Variants in SEMA3C observed in about 807,000 individuals in gnomAD.
The protein encoded by SEMA3C is semaphorin 3C, also known as semaphorin-3C.
A neutral mutation model predicts 89.4 loss-of-function variants in SEMA3C; 47 were observed. The observed-to-expected ratio is 0.53, with a 90% CI of 0.42 to 0.67. The LOEUF (loss-of-function observed/expected upper bound fraction) is 0.67. Among genes scored for constraint, SEMA3C ranks in the 30% least tolerant of loss-of-function variants. The pLI, the probability that SEMA3C is intolerant of heterozygous loss-of-function variation, is 0.00. For missense variants in SEMA3C, 839 were observed against 929.1 expected (o/e 0.90, Z 1.26); for synonymous variants, 310 against 320.2 (o/e 0.97, Z 0.34).
intron 12 of SEMA3C, 33 bp downstream of exon 12, chr7:80,789,273 A>G: frequency 6.5e-7 from 1 of 1,542,248 alleles, no homozygotes; most frequent in Non-Finnish European, 8.9e-7. Flanking sequence ...CTTTTACTAC[A>G]CATTAAAGCA....
intron 2 of SEMA3C, among the ~76,000 whole-genome samples, chr7:80,861,557 G>A (rs1045506602): frequency 7.2e-5 from 11 of 152,114 alleles, no homozygotes; most frequent in African/African-American, 2.4e-4. Flanking sequence ...AAACAAAACT[G>A]AGCACTGTTC....
intron 2 of SEMA3C, among the ~76,000 whole-genome samples, chr7:80,911,686 T>C (rs1200494240): frequency 2.0e-5 from 3 of 150,636 alleles, no homozygotes. Context: ...CAGGCTGGAG[T>C]ACAATGGCAC....
At chr7:80,905,500 T>C (rs943772884) in intron 2 of SEMA3C, among the ~76,000 whole-genome samples, 12 of 152,050 alleles carry the variant, frequency 7.9e-5, no homozygotes, top group Non-Finnish European at 1.8e-4. Context: ...CAGGCACTGT[T>C]GGGAATTTGG....
At chr7:80,809,118 G>A (rs982939116) in intron 6 of SEMA3C, among the ~76,000 whole-genome samples, 1 of 152,118 alleles carries the variant, frequency 6.6e-6, no homozygotes, top group African/African-American at 2.4e-5. Context: ...AAAAGAGAAT[G>A]TTGTTTAAGT....
intron 16 of SEMA3C, among the ~76,000 whole-genome samples, 171 bp from the exon 17 acceptor site, chr7:80,749,199 T>C (rs529931053): frequency 1.3e-5 from 2 of 152,280 alleles, no homozygotes; most frequent in East Asian, 3.9e-4. Context: ...TAGGATACGT[T>C]GTTCACCCGT....
chr7:80,889,138 C>A (rs906996064), intron 2 of SEMA3C, among the ~76,000 whole-genome samples: 3 of 152,228 alleles, frequency 2.0e-5, no homozygotes, highest in African/African-American at 7.2e-5. Context: ...GCCAGGACTA[C>A]AGGCGTAAGC....
In SEMA3C at chr7:80,761,594, C is replaced by G. The variant is rs200092266; in HGVS notation, c.1485+22G>C. The G allele has an allele frequency of 3.3e-6, 4 of 1,196,236 alleles. No individual in the cohort carries two copies. The South Asian group carries it at 5.4e-5, about 16-fold the overall frequency. The allele number at this position is 1,196,236 out of a possible 1,614,324, so 74.1% of individuals were successfully genotyped here. On this transcript the variant is annotated intron_variant, in intron 14 of 17. Transcript: ENST00000265361. Reference sequence around the variant, plus strand: ...ACAAAACATTTCAATAAGCAAAGAACATAAAATAGCTTAGTTTTTACCTTT... The same window carrying G: ...ACAAAACATTTCAATAAGCAAAGAAGATAAAATAGCTTAGTTTTTACCTTT...
intron 12 of SEMA3C, among the ~76,000 whole-genome samples, chr7:80,775,945 T>C (rs920591947): frequency 2.0e-5 from 3 of 152,120 alleles, no homozygotes; most frequent in Non-Finnish European, 4.4e-5. Flanking sequence ...GCAATAACAA[T>C]ATAAGAGACA....
chr7:80,910,960 T>C (rs1157287919), intron 2 of SEMA3C, among the ~76,000 whole-genome samples: 2 of 152,160 alleles, frequency 1.3e-5, no homozygotes, highest in Non-Finnish European at 2.9e-5. Flanking sequence ...AATTTTTTTC[T>C]ACTGTTATCC....
chr7:80,743,732 G>A lies in SEMA3C; in HGVS notation c.*1162C>T, dbSNP rs1458428821. On this transcript the variant is annotated 3_prime_UTR_variant, in exon 18 of 18. Transcript: ENST00000265361. ...TTACTACTTTTACACTTAGAGACCA[G>A]TGAACGTATGTACCATTACCTTTTG... 1 of 151,834 alleles carries A rather than the reference G, an allele frequency of 6.6e-6. No homozygotes were observed. The highest frequency in any genetic ancestry group is 1.5e-5 in the Non-Finnish European group (1 of 67,850). 9.4% of individuals were successfully genotyped at this position (151,834 alleles called of 1,614,324 possible). A position where few individuals can be genotyped will look rare whatever the true frequency, so the allele number is the denominator to read the frequency against.
At chr7:80,778,601 T>C (rs1056315665) in intron 12 of SEMA3C, among the ~76,000 whole-genome samples, 6 of 152,344 alleles carry the variant, frequency 3.9e-5, no homozygotes, top group African/African-American at 1.4e-4. Flanking sequence ...GGAAAACATC[T>C]TTCCTCTCAG....
intron 16 of SEMA3C, among the ~76,000 whole-genome samples, chr7:80,750,320 A>G (rs1021419325): frequency 5.9e-5 from 9 of 151,344 alleles, no homozygotes; most frequent in Non-Finnish European, 8.8e-5. Flanking sequence ...CAGGCACTAT[A>G]GTACACCCAT....
intron 2 of SEMA3C, among the ~76,000 whole-genome samples, chr7:80,834,136 C>T (rs557612284): frequency 6.6e-6 from 1 of 152,148 alleles, no homozygotes; most frequent in South Asian, 2.1e-4. Context: ...TTAGAAAATG[C>T]AGTGGCTCCA....
At chr7:80,901,306 A>G (rs1333003797) in intron 2 of SEMA3C, among the ~76,000 whole-genome samples, 2 of 152,206 alleles carry the variant, frequency 1.3e-5, no homozygotes, top group East Asian at 3.8e-4. Context: ...TGATGTGGCT[A>G]TTTTAGTGTT....
intron 2 of SEMA3C, among the ~76,000 whole-genome samples, chr7:80,858,226 T>C (rs568177454): frequency 2.0e-5 from 3 of 152,248 alleles, no homozygotes; most frequent in East Asian, 1.9e-4. Flanking sequence ...TCTAAACTAC[T>C]AGATCACAGT....
At position 80,916,762 on chromosome 7, in the gene SEMA3C, C is replaced by T. The variant is rs1162663079; in HGVS notation, c.20G>A (p.Cys7Tyr). ...ACAAATAAATACTCCAACCAACACG[C>T]AAATTGTCCGGAATGCCATTTCTTC... MAFRTI[C>Y]VLVGVFICSI... Residue 7 changes from cysteine (C) to tyrosine (Y), a missense_variant, in exon 2 of 18, where the codon TGC becomes TAC. Transcript: ENST00000265361. 2 of 1,613,542 alleles carry T rather than the reference C, an allele frequency of 1.2e-6. No homozygotes were observed. Among genetic ancestry groups the T allele is most frequent in the South Asian group, 1.1e-5 (1 of 91,058 alleles).
intron 17 of SEMA3C, 38 bp from the exon 18 acceptor site, chr7:80,745,345 AT>A: frequency 6.4e-7 from 1 of 1,569,774 alleles, no homozygotes; most frequent in Non-Finnish European, 8.7e-7. Flanking sequence ...GAAACTGAAC[AT>A]TATATTTCCT....
intron 13 of SEMA3C, among the ~76,000 whole-genome samples, chr7:80,762,144 T>C (rs1260289019): frequency 7.3e-6 from 1 of 137,604 alleles, no homozygotes; most frequent in Non-Finnish European, 1.6e-5. Context: ...TGTATCAATA[T>C]AGGCATTAGA....
At chr7:80,809,848 G>C (rs1406504708) in intron 6 of SEMA3C, among the ~76,000 whole-genome samples, 1 of 152,034 alleles carries the variant, frequency 6.6e-6, no homozygotes, top group Non-Finnish European at 1.5e-5. Flanking sequence ...AGGGAAATAA[G>C]CCAGGCACAG....
Sources: allele counts gnomAD v4.1 joint callset (sites outside exome capture counted in the v4.1 genomes callset), GRCh38; gene constraint gnomAD v4.1.1; transcripts MANE v1.5; gene names NCBI Gene and HGNC (gene_info 2026-07-23, HGNC 2026-07-21).